PPP4R2: variants seen among roughly 807,000 people sequenced by gnomAD.
The protein encoded by PPP4R2 is serine/threonine-protein phosphatase 4 regulatory subunit 2.
Under a neutral mutation model 47.2 loss-of-function variants are expected in PPP4R2, and 13 were observed. The observed-to-expected ratio is 0.28, with a 90% CI of 0.18 to 0.44. The LOEUF (loss-of-function observed/expected upper bound fraction) is 0.44. Among genes scored for constraint, PPP4R2 ranks in the 20% least tolerant of loss-of-function variants. PPP4R2 has a pLI of 1.00. For missense variants in PPP4R2, 421 were observed against 491.2 expected, an observed-to-expected ratio of 0.86 and a Z score of 1.35; for synonymous variants, 151 against 163.3, an observed-to-expected ratio of 0.92 and a Z score of 0.57.
intron 2 of PPP4R2, among the ~76,000 whole-genome samples, chr3:73,020,734 C>T (rs1024379684): frequency 1.9e-4 from 28 of 151,284 alleles, no homozygotes; most frequent in African/African-American, 5.1e-4. Context: ...TGCTGTGTTG[C>T]CCAGGCTGGT....
intron 2 of PPP4R2, among the ~76,000 whole-genome samples, chr3:73,043,408 C>G (rs960085285): frequency 1.2e-4 from 18 of 152,172 alleles, no homozygotes; most frequent in African/African-American, 4.3e-4. Flanking sequence ...TAATTATCCT[C>G]ACCATTTTTA....
At chr3:73,043,509 A>G (rs1226157359) in intron 2 of PPP4R2, among the ~76,000 whole-genome samples, 3 of 152,214 alleles carry the variant, frequency 2.0e-5, no homozygotes, top group Non-Finnish European at 4.4e-5. Flanking sequence ...TTTCTGAGGA[A>G]CTGCCCAAGT....
chr3:73,018,652 A>G (rs1481749342), intron 2 of PPP4R2, among the ~76,000 whole-genome samples: 1 of 151,712 alleles, frequency 6.6e-6, no homozygotes, highest in Non-Finnish European at 1.5e-5. Flanking sequence ...TCTTTCCACC[A>G]TTTGTAACTT....
chr3:73,054,785 C>T (rs1702694452), intron 3 of PPP4R2, among the ~76,000 whole-genome samples: 1 of 151,978 alleles, frequency 6.6e-6, no homozygotes, highest in Non-Finnish European at 1.5e-5. Flanking sequence ...ATGAAGTGCG[C>T]ACTTATTTTT....
chr3:73,048,901 G>C (rs3732440), intron 3 of PPP4R2, among the ~76,000 whole-genome samples: 6 of 151,844 alleles, frequency 4.0e-5, no homozygotes, highest in Admixed American at 1.3e-4. Context: ...GCCTTGACTT[G>C]GGGTCTGTTA....
intron 2 of PPP4R2, among the ~76,000 whole-genome samples, chr3:73,044,485 C>T (rs1235581134): frequency 1.3e-5 from 2 of 152,112 alleles, no homozygotes; most frequent in Non-Finnish European, 1.5e-5. Flanking sequence ...ACTTGGGAGG[C>T]TGAAGCAGGA....
chr3:73,004,282 C>T (rs1339670680), intron 2 of PPP4R2, among the ~76,000 whole-genome samples: 1 of 151,744 alleles, frequency 6.6e-6, no homozygotes, highest in Non-Finnish European at 1.5e-5. Flanking sequence ...CTCAGGCTAT[C>T]CTCCCGCCTG....
chr3:73,048,295 C>T (rs993488865), intron 3 of PPP4R2, among the ~76,000 whole-genome samples: 2 of 152,170 alleles, frequency 1.3e-5, no homozygotes, highest in African/African-American at 4.8e-5. Flanking sequence ...CGCTGTCACC[C>T]AGGGTGGAGT....
At chr3:73,032,082 T>C (rs1702175782) in intron 2 of PPP4R2, among the ~76,000 whole-genome samples, 1 of 152,230 alleles carries the variant, frequency 6.6e-6, no homozygotes, top group Non-Finnish European at 1.5e-5. Context: ...ACCACCTGAC[T>C]CTTTTTAAAT....
intron 2 of PPP4R2, among the ~76,000 whole-genome samples, chr3:73,030,456 T>A (rs533369939): frequency 6.6e-6 from 1 of 152,020 alleles, no homozygotes; most frequent in Admixed American, 6.6e-5. Context: ...TGAGAAGATA[T>A]GAAATAGTTA....
intron 2 of PPP4R2, among the ~76,000 whole-genome samples, chr3:73,002,493 A>G (rs1409782587): frequency 1.3e-5 from 2 of 152,032 alleles, no homozygotes; most frequent in Non-Finnish European, 2.9e-5. Context: ...CCTGGCCTTA[A>G]GCAATCCTCC....
At position 73,000,490 on chromosome 3, in the gene PPP4R2, G is replaced by A. The variant is rs1277977991; in HGVS notation, c.116+2332G>A. Among the ~76,000 whole-genome samples, 4 of 152,258 alleles carry A rather than the reference G, an allele frequency of 2.6e-5. No individual in the cohort carries two copies. The East Asian group carries it at 5.8e-4, about 22-fold the overall frequency. On this transcript the variant is annotated intron_variant, in intron 2 of 8. Coordinates refer to ENST00000356692, the MANE Select transcript of PPP4R2 (RefSeq NM_174907.4). The stretch of plus-strand genomic sequence containing the variant: ...TCAAAAGACAATTGATTTGACACTT[G>A]CTTTTAGCTTTAGAGAGGTTTTAGA...
chr3:73,004,863 GTGTGTGTTTGTT>G (rs1351449666), intron 2 of PPP4R2, among the ~76,000 whole-genome samples: 33 of 51,426 alleles, frequency 6.4e-4, no homozygotes, highest in East Asian at 6.0e-3. Context: ...GTGTGTGTGT[GTGTGTGTTTGTT>G]TGTTTGTTTG....
At chr3:73,001,532 C>T (rs1328997166) in intron 2 of PPP4R2, among the ~76,000 whole-genome samples, 2 of 152,194 alleles carry the variant, frequency 1.3e-5, no homozygotes, top group African/African-American at 4.8e-5. Context: ...CGTGATTGTG[C>T]CACAGCACTC....
At chr3:73,028,119 T>C (rs1404544678) in intron 2 of PPP4R2, among the ~76,000 whole-genome samples, 1 of 151,590 alleles carries the variant, frequency 6.6e-6, no homozygotes, top group Non-Finnish European at 1.5e-5. Flanking sequence ...TAGCCAGGCG[T>C]GGTGGCACAC....
At chr3:73,002,142 C>CTA (rs1457893038) in intron 2 of PPP4R2, among the ~76,000 whole-genome samples, 1 of 152,196 alleles carries the variant, frequency 6.6e-6, no homozygotes, top group Non-Finnish European at 1.5e-5. Context: ...ACATAATGGC[C>CTA]TATAGTTCCA....
chr3:73,057,100 C>T (rs1304445282), intron 3 of PPP4R2, among the ~76,000 whole-genome samples: 1 of 152,036 alleles, frequency 6.6e-6, no homozygotes, highest in Non-Finnish European at 1.5e-5. Flanking sequence ...TTTGAAGAGC[C>T]ATGAACTAGA....
chr3:73,025,820 T>C (rs901719969), intron 2 of PPP4R2, among the ~76,000 whole-genome samples: 1 of 152,068 alleles, frequency 6.6e-6, no homozygotes, highest in Non-Finnish European at 1.5e-5. Flanking sequence ...CTTGGAGAAA[T>C]TGAGTCTAAT....
chr3:73,030,494 T>C (rs1702147554), intron 2 of PPP4R2, among the ~76,000 whole-genome samples: 1 of 152,100 alleles, frequency 6.6e-6, no homozygotes, highest in Non-Finnish European at 1.5e-5. Flanking sequence ...TGAAATAGAC[T>C]GGGGATAATG....
Sources: allele counts gnomAD v4.1 joint callset (sites outside exome capture counted in the v4.1 genomes callset), GRCh38; gene constraint gnomAD v4.1.1; transcripts MANE v1.5; gene names NCBI Gene and HGNC (gene_info 2026-07-23, HGNC 2026-07-21).